Variants in NFATC2 observed in about 807,000 individuals in gnomAD.
NFATC2 encodes the protein nuclear factor of activated T cells 2.
A neutral mutation model predicts 87.3 loss-of-function variants in NFATC2; 22 were observed. The ratio of observed to expected loss-of-function variants is 0.25; its 90% CI spans 0.18 to 0.36. NFATC2 has a LOEUF of 0.36. Ranked by LOEUF, NFATC2 falls within the 10% of genes least tolerant of loss-of-function variation. The pLI, the probability that NFATC2 is intolerant of heterozygous loss-of-function variation, is 1.00. For synonymous variants in NFATC2, 565 were observed against 542.2 expected (o/e 1.04, Z -0.58); for missense variants, 1,149 against 1,259.1 (o/e 0.91, Z 1.32).
At chr20:51,451,168 T>G (rs1985722540) in intron 6 of NFATC2, among the ~76,000 whole-genome samples, 1 of 152,206 alleles carries the variant, frequency 6.6e-6, no homozygotes, top group African/African-American at 2.4e-5. Context: ...AGGCCAGGCC[T>G]TCTCCCTGCA....
rs537967205 is a variant in NFATC2, at chr20:51,387,200, C to CT, written c.*4295_*4296insA. 1 of 151,922 alleles carries CT rather than the reference C, an allele frequency of 6.6e-6. No individual in the cohort carries two copies. Among genetic ancestry groups the CT allele is most frequent in the Non-Finnish European group, 1.5e-5 (1 of 67,998 alleles). The allele number at this position is 151,922 out of a possible 1,614,324, so 9.4% of individuals were successfully genotyped here. A position where few individuals can be genotyped will look rare whatever the true frequency, so the allele number is the denominator to read the frequency against. On this transcript the variant is annotated 3_prime_UTR_variant, in exon 11 of 11. Coordinates refer to ENST00000371564, the MANE Select transcript of NFATC2 (RefSeq NM_012340.5). ...TCTCTCCTCTGAGGGCTGTAGAGGC[C>CT]AGAGGGGTGAGTGAGGTTCTTTGAC...
rs762939847 is a variant in NFATC2 at position 51,435,288 on chromosome 20, T to C, written c.1932A>G (p.Glu644=). The C allele has an allele frequency of 6.2e-7, 1 of 1,614,180 alleles. No individual in the cohort carries two copies. The highest frequency in any genetic ancestry group is 8.5e-7 in the Non-Finnish European group (1 of 1,180,034). ...GTGTGCGGATATGCTTGTTCCGATA[T>C]TCAGGGATCTCAACAAAAAGCATGT... ...QPNMLFVEIP[E]YRNKHIRTPV... The change falls in exon 8 of 11, where the codon GAA becomes GAG. Residue 644 remains glutamate, a synonymous_variant. Coordinates refer to ENST00000371564, the MANE Select transcript of NFATC2 (RefSeq NM_012340.5).
In NFATC2 at chr20:51,484,964, A is replaced by G. The variant is rs1021860184; in HGVS notation, c.1333-9304T>C. 2.0e-5 allele frequency among the ~76,000 whole-genome samples: 3 copies of G among 152,374 alleles called. No homozygotes were observed. The East Asian group carries it at 5.8e-4, about 29-fold the overall frequency. ...ATAAAAAGAATTAGACATTCTGGAC[A>G]GGCTTGAAAACCAAACAAGTCAGGC... On this transcript the variant is annotated intron_variant, in intron 3 of 10. Transcript: ENST00000371564.
intron 10 of NFATC2, 27 bp from the exon 11 acceptor site, chr20:51,391,478 G>GGA: frequency 6.5e-7 from 1 of 1,526,934 alleles, no homozygotes; most frequent in Non-Finnish European, 9.0e-7. Context: ...GAGGGGGGGG[G>GGA]AGAGAGAATG....
intron 8 of NFATC2, 38 bp downstream of exon 8, chr20:51,435,150 C>T (rs1983371317): frequency 1.2e-5 from 20 of 1,611,456 alleles, no homozygotes; most frequent in Admixed American, 1.7e-5. Context: ...CCTGTACTGC[C>T]TCTCAATAAC....
rs370173668 is a variant in NFATC2, at chr20:51,554,861, G to A, written c.70+7699C>T. 4.6e-5 allele frequency among the ~76,000 whole-genome samples: 7 copies of A among 152,188 alleles called. No homozygotes were observed. In the South Asian group the frequency reaches 6.2e-4, roughly 14 times the overall value. ...AGTCTTCATGACTGCCAGTGATAGC[G>A]GAGGGTGGAGGAGGAGCTGACGAGG... is the stretch of plus-strand genomic sequence containing the variant. On this transcript the variant is annotated intron_variant, in intron 1 of 10. Coordinates refer to the NFATC2 transcript ENST00000414705.
At chr20:51,442,046 T>C (rs1269983281) in intron 6 of NFATC2, among the ~76,000 whole-genome samples, 1 of 152,226 alleles carries the variant, frequency 6.6e-6, no homozygotes, top group African/African-American at 2.4e-5. Flanking sequence ...ATGGGCCACC[T>C]GTAATTAGTA....
chr20:51,472,301 A>G (rs1426196086), intron 5 of NFATC2, among the ~76,000 whole-genome samples: 1 of 152,180 alleles, frequency 6.6e-6, no homozygotes, highest in Non-Finnish European at 1.5e-5. Context: ...CATTGAGTCT[A>G]TATTCCCACG....
chr20:51,477,679 C>T (rs559343578), intron 3 of NFATC2, among the ~76,000 whole-genome samples: 1 of 150,906 alleles, frequency 6.6e-6, no homozygotes, highest in South Asian at 2.1e-4. Flanking sequence ...TTTAATCTTT[C>T]TGTGCCTCTA....
At chr20:51,413,062 C>A (rs1442706082) in intron 9 of NFATC2, among the ~76,000 whole-genome samples, 1 of 149,862 alleles carries the variant, frequency 6.7e-6, no homozygotes, top group Non-Finnish European at 1.5e-5. Context: ...GCAGCCAGCT[C>A]CCGGGTTTCA....
At chr20:51,537,366 G>A (rs1006577763) in intron 1 of NFATC2, among the ~76,000 whole-genome samples, 3 of 152,050 alleles carry the variant, frequency 2.0e-5, no homozygotes, top group African/African-American at 7.2e-5. Flanking sequence ...GATTTCATCA[G>A]CTTTTTAAAG....
intron 5 of NFATC2, 111 bp from the exon 6 acceptor site, chr20:51,454,799 C>T: frequency 8.4e-7 from 1 of 1,184,390 alleles, no homozygotes; most frequent in East Asian, 2.4e-5. Flanking sequence ...CCTGTGTCAC[C>T]TGTTGTTATC....
intron 3 of NFATC2, among the ~76,000 whole-genome samples, chr20:51,481,748 A>G (rs6126239): frequency 0.59 from 89,248 of 151,776 alleles, 27,588 homozygotes; most frequent in Admixed American, 0.69. Flanking sequence ...CCCCTTGTCA[A>G]CTCAGCTACT....
intron 9 of NFATC2, 182 bp from the exon 10 acceptor site, chr20:51,398,912 G>C: frequency 5.1e-6 from 3 of 585,496 alleles, no homozygotes; most frequent in Admixed American, 5.9e-5. Flanking sequence ...CCAACACTAG[G>C]GTAATAATCA....
chr20:51,475,405 C>G (rs936918520), intron 4 of NFATC2, 53 bp downstream of exon 4: 2 of 1,578,690 alleles, frequency 1.3e-6, no homozygotes, highest in East Asian at 4.5e-5. Flanking sequence ...CTGCCACCTG[C>G]CCCCTGCTCG....
At chr20:51,477,588 C>G (rs893200940) in intron 3 of NFATC2, among the ~76,000 whole-genome samples, 1 of 82,102 alleles carries the variant, frequency 1.2e-5, no homozygotes, top group African/African-American at 4.3e-5. Flanking sequence ...TATAAAATAA[C>G]AAGAGACAAA....
At chr20:51,447,098 T>A (rs1000188095) in intron 6 of NFATC2, among the ~76,000 whole-genome samples, 7 of 146,364 alleles carry the variant, frequency 4.8e-5, no homozygotes, top group Non-Finnish European at 1.1e-4. Flanking sequence ...AAAAAAAAAA[T>A]TATTTTAAGC....
At chr20:51,510,237 T>C (rs1421333698) in intron 3 of NFATC2, among the ~76,000 whole-genome samples, 1 of 152,234 alleles carries the variant, frequency 6.6e-6, no homozygotes, top group African/African-American at 2.4e-5. Context: ...TCCAGGGAAT[T>C]TCTGTGCAGA....
chr20:51,435,664 G>C lies in NFATC2; in HGVS notation c.1905+42C>G, dbSNP rs73910848. The C allele has an allele frequency of 4.5e-3, 7,098 of 1,586,372 alleles. 245 individuals are homozygous for C. In the African/African-American group the frequency reaches 0.078, roughly 17 times the overall value. Reference sequence around the variant, plus strand: ...AGGAAAGAGCATGAAAGAGGGAAACGTGAGGGGGATTGAGAGACACTCAGG... The same window carrying C: ...AGGAAAGAGCATGAAAGAGGGAAACCTGAGGGGGATTGAGAGACACTCAGG... On this transcript the variant is annotated intron_variant, in intron 7 of 10. Transcript: ENST00000371564.
Sources: gnomAD v4.1 joint callset for allele counts (sites outside exome capture counted in the v4.1 genomes callset) on GRCh38, gnomAD v4.1.1 for gene constraint, MANE v1.5 for transcripts, NCBI Gene and HGNC (gene_info 2026-07-23, HGNC 2026-07-21) for gene names.